The following KLHDC10 variants were observed in gnomAD, a reference collection of about 807,000 sequenced individuals.
KLHDC10 encodes kelch domain-containing protein 10.
KLHDC10 carries 24 observed loss-of-function variants against 56.1 expected under a neutral mutation model. The ratio of observed to expected loss-of-function variants is 0.43; its 90% confidence interval spans 0.31 to 0.60. The LOEUF (loss-of-function observed/expected upper bound fraction) is 0.60, where lower values mean the gene tolerates loss of function less well. Ranked by LOEUF, KLHDC10 falls within the 20% of genes least tolerant of loss-of-function variation. KLHDC10 has a pLI of 0.11. For synonymous variants in KLHDC10, 188 were observed against 207.1 expected (o/e 0.91, Z 0.79); for missense variants, 349 against 567.0 (o/e 0.62, Z 3.91).
At chr7:130,090,823 G>A (rs930316610) in intron 1 of KLHDC10, among the ~76,000 whole-genome samples, 3 of 149,938 alleles carry the variant, frequency 2.0e-5, no homozygotes, top group African/African-American at 7.3e-5. Context: ...TTTATTTCAT[G>A]TTAGATTCGT....
chr7:130,076,518 G>A (rs530531131), intron 1 of KLHDC10, among the ~76,000 whole-genome samples: 84 of 152,060 alleles, frequency 5.5e-4, no homozygotes, highest in Non-Finnish European at 1.0e-3. Flanking sequence ...CATAAGAAAG[G>A]CCTTTCCTAT....
At chr7:130,111,233 C>T (rs1458085119) in intron 2 of KLHDC10, among the ~76,000 whole-genome samples, 1 of 152,086 alleles carries the variant, frequency 6.6e-6, no homozygotes, top group African/African-American at 2.4e-5. Context: ...AAAATCAAAA[C>T]ATGAAATTAT....
chr7:130,081,469 C>G (rs1323527380), intron 1 of KLHDC10, among the ~76,000 whole-genome samples: 1 of 152,066 alleles, frequency 6.6e-6, no homozygotes, highest in Non-Finnish European at 1.5e-5. Flanking sequence ...CAGGCGCACG[C>G]TGCCACGCCC....
intron 2 of KLHDC10, among the ~76,000 whole-genome samples, chr7:130,105,745 T>C (rs59611308): frequency 0.014 from 2,097 of 152,314 alleles, 48 homozygotes; most frequent in African/African-American, 0.047. Context: ...GTATTCTGTT[T>C]CTTGACCTGG....
At chr7:130,073,003 G>A (rs1158930727) in intron 1 of KLHDC10, among the ~76,000 whole-genome samples, 1 of 152,012 alleles carries the variant, frequency 6.6e-6, no homozygotes, top group Non-Finnish European at 1.5e-5. Flanking sequence ...TGATTTGCCT[G>A]TCTCAGCCTC....
rs954937660 is a variant in KLHDC10, at chr7:130,116,174, A to T, written c.254-271A>T. The stretch of plus-strand genomic sequence containing the variant: ...TTTCAAGTTGTCAGCCATTTTCTTG[A>T]ATTTGTCATGCTTTTTACAGTTATC... On this transcript the variant is annotated intron_variant, in intron 2 of 9. Transcript: ENST00000335420. The surrounding 1 kb of genome is among the most constrained non-coding windows in gnomAD (Gnocchi z 4.8). 3.9e-5 allele frequency among the ~76,000 whole-genome samples: 6 copies of T among 152,096 alleles called. No individual in the cohort carries two copies. The highest frequency in any genetic ancestry group is 1.2e-4 in the African/African-American group (5 of 41,410).
Position 130,070,571 on chromosome 7 carries a change from C to T in KLHDC10, c.-73C>T. ...TGTCTCCTGGGTCTCTGGAGGAGCC[C>T]AGGAAGGAGGCTCCGCTGGTTCCGC... On this transcript the variant is annotated 5_prime_UTR_variant, in exon 1 of 10. Coordinates refer to ENST00000335420, the MANE Select transcript of KLHDC10 (RefSeq NM_014997.4). 1 of 1,254,110 alleles carries T rather than the reference C, an allele frequency of 8.0e-7. No individual in the cohort carries two copies. The highest frequency in any genetic ancestry group is 1.0e-6 in the Non-Finnish European group (1 of 990,366). 77.7% of individuals were successfully genotyped at this position (1,254,110 alleles called of 1,614,324 possible).
At chr7:130,111,731 GA>G (rs775744332) in intron 2 of KLHDC10, among the ~76,000 whole-genome samples, 5 of 150,310 alleles carry the variant, frequency 3.3e-5, no homozygotes, top group Non-Finnish European at 4.4e-5. Flanking sequence ...AAAGGAAAAA[GA>G]AAAAAAAATT....
intron 1 of KLHDC10, among the ~76,000 whole-genome samples, chr7:130,083,811 A>G (rs1031671681): frequency 2.6e-5 from 4 of 152,152 alleles, no homozygotes; most frequent in Non-Finnish European, 4.4e-5. Flanking sequence ...TAAAATCTCC[A>G]TCTGCCTTGA....
chr7:130,109,095 C>T (rs950710599), intron 2 of KLHDC10, among the ~76,000 whole-genome samples: 4 of 151,870 alleles, frequency 2.6e-5, no homozygotes, highest in African/African-American at 9.7e-5. Flanking sequence ...TTAGTAGGGT[C>T]AGGGTTTCAC....
chr7:130,120,486 C>T lies in KLHDC10; in HGVS notation c.476-263C>T, dbSNP rs535644915. Among the ~76,000 whole-genome samples the T allele has an allele frequency of 7.2e-5, 11 of 152,192 alleles. No homozygotes were observed. The highest frequency in any genetic ancestry group is 6.5e-4 in the Admixed American group (10 of 15,286). On this transcript the variant is annotated intron_variant, in intron 3 of 9. Coordinates refer to ENST00000335420, the MANE Select transcript of KLHDC10 (RefSeq NM_014997.4). This position sits in a 1 kb window ranked among gnomAD's most constrained non-coding sequence, Gnocchi z 5.1. The stretch of plus-strand genomic sequence containing the variant: ...TGCATTGTACTTAGCATACCAAATC[C>T]AAAACTTTGAAATCCAACATGTTCC...
chr7:130,116,511 T>C lies in KLHDC10; in HGVS notation c.320T>C (p.Phe107Ser). 2 of 1,614,148 alleles carry C rather than the reference T, an allele frequency of 1.2e-6. No homozygotes were observed. Among genetic ancestry groups the C allele is most frequent in the Non-Finnish European group, 1.7e-6 (2 of 1,180,030 alleles). Residue 107 changes from phenylalanine (F) to serine (S), a missense_variant, in exon 3 of 10, where the codon TTT (phenylalanine) becomes TCT (serine). Physicochemically the swap from Phe to Ser is radical, Grantham distance 155. Transcript: ENST00000335420. This position sits in a 1 kb window ranked among gnomAD's most constrained non-coding sequence, Gnocchi z 4.8. ...CVADNTNLYV[F>S]GGYNPDYDES... ...GCAGATAATACCAACCTATATGTGT[T>C]TGGAGGTTATAACCCAGATTATGAT...
At chr7:130,125,056 T>C (rs1796296892) in intron 6 of KLHDC10, among the ~76,000 whole-genome samples, 2 of 152,226 alleles carry the variant, frequency 1.3e-5, no homozygotes, top group South Asian at 4.1e-4. Context: ...GGAACCTTAA[T>C]GGTCTTTTTC....
chr7:130,076,511 A>T (rs1031815407), intron 1 of KLHDC10, among the ~76,000 whole-genome samples: 4 of 152,220 alleles, frequency 2.6e-5, no homozygotes, highest in South Asian at 2.1e-4. Flanking sequence ...TTTGTGTCAT[A>T]AGAAAGGCCT....
chr7:130,091,929 A>G (rs1336362439), intron 1 of KLHDC10, among the ~76,000 whole-genome samples: 1 of 152,186 alleles, frequency 6.6e-6, no homozygotes, highest in Non-Finnish European at 1.5e-5. Flanking sequence ...AAATTTCTTT[A>G]TTTCACTCTC....
At position 130,130,476 on chromosome 7, in the gene KLHDC10, G is replaced by A. The variant is rs994545085; in HGVS notation, c.1120-61G>A. On this transcript the variant is annotated intron_variant, in intron 9 of 9. Coordinates refer to ENST00000335420, the MANE Select transcript of KLHDC10 (RefSeq NM_014997.4). The surrounding 1 kb of genome is among the most constrained non-coding windows in gnomAD (Gnocchi z 4.2). Reference sequence around the variant, plus strand: ...CCATCTACTATGCTTTTTCCCCACTGAGTCTTCAGCCTTGTATGTTTCTCT... The same window carrying A: ...CCATCTACTATGCTTTTTCCCCACTAAGTCTTCAGCCTTGTATGTTTCTCT... The A allele has an allele frequency of 1.5e-6, 2 of 1,349,708 alleles. No individual in the cohort carries two copies. The highest frequency in any genetic ancestry group is 1.7e-5 in the Admixed American group (1 of 58,432). The allele number at this position is 1,349,708 out of a possible 1,614,324, so 83.6% of individuals were successfully genotyped here.
At chr7:130,127,130 C>A (rs1796325500) in intron 7 of KLHDC10, among the ~76,000 whole-genome samples, 1 of 152,184 alleles carries the variant, frequency 6.6e-6, no homozygotes, top group African/African-American at 2.4e-5. Flanking sequence ...TAAAGATCTA[C>A]CTATCTCCTT....
At chr7:130,107,522 T>C (rs1200932056) in intron 2 of KLHDC10, among the ~76,000 whole-genome samples, 1 of 151,464 alleles carries the variant, frequency 6.6e-6, no homozygotes, top group East Asian at 1.9e-4. Flanking sequence ...AAAAAAACAA[T>C]AAAACAATGA....
chr7:130,115,093 G>C (rs1796149710), intron 2 of KLHDC10, among the ~76,000 whole-genome samples: 1 of 152,168 alleles, frequency 6.6e-6, no homozygotes, highest in African/African-American at 2.4e-5. Flanking sequence ...ACCTTAGAAA[G>C]TGGGATTTTG....
Sources: gnomAD v4.1 joint callset for allele counts (sites outside exome capture counted in the v4.1 genomes callset) on GRCh38, gnomAD v4.1.1 for gene constraint, Gnocchi (gnomAD v3.1) non-coding constraint, MANE v1.5 for transcripts, NCBI Gene and HGNC (gene_info 2026-07-23, HGNC 2026-07-21) for gene names.